Variants in STX3 observed in about 807,000 individuals in gnomAD.
STX3 encodes the protein syntaxin 3, also known as syntaxin-3.
In STX3, 19 loss-of-function variants were observed where a neutral mutation model predicts 40.2. That is an observed-to-expected ratio of 0.47 (90% CI 0.33 to 0.69). The LOEUF is 0.69. Ranked by LOEUF, STX3 falls within the 30% of genes least tolerant of loss-of-function variation. The pLI is 0.02. For missense variants in STX3, 364 were observed against 366.7 expected, an observed-to-expected ratio of 0.99 and a Z score of 0.06; for synonymous variants, 122 against 132.2, an observed-to-expected ratio of 0.92 and a Z score of 0.53.
rs1009953616 is a variant in STX3, at chr11:59,801,560, C to T, written c.*736C>T. ...AAGGCTGACGGTATGGAATATGTTT[C>T]CATGTCTGAGTCTTAGAAACTGGCT... On this transcript the variant is annotated 3_prime_UTR_variant, in exon 11 of 11. Coordinates refer to ENST00000337979, the MANE Select transcript of STX3 (RefSeq NM_004177.5). The T allele has an allele frequency of 1.0e-6, 1 of 985,362 alleles. No individual in the cohort carries two copies. 61.0% of individuals were successfully genotyped at this position (985,362 alleles called of 1,614,324 possible). A position where few individuals can be genotyped will look rare whatever the true frequency, so the allele number is the denominator to read the frequency against.
At chr11:59,782,471 T>G (rs1016011594) in intron 2 of STX3, among the ~76,000 whole-genome samples, 44 of 152,328 alleles carry the variant, frequency 2.9e-4, no homozygotes, top group African/African-American at 9.9e-4. Flanking sequence ...ATGTTAAACA[T>G]TTGGCATGTA....
chr11:59,780,458 C>T (rs1406078622), intron 2 of STX3, among the ~76,000 whole-genome samples: 1 of 152,130 alleles, frequency 6.6e-6, no homozygotes, highest in African/African-American at 2.4e-5. Flanking sequence ...GCCACCTAGG[C>T]TATGGTATTT....
At chr11:59,783,220 C>T (rs912846104) in intron 2 of STX3, among the ~76,000 whole-genome samples, 6 of 152,118 alleles carry the variant, frequency 3.9e-5, no homozygotes, top group Non-Finnish European at 8.8e-5. Context: ...TCCATTCTCC[C>T]AAAACAGTGG....
chr11:59,801,552 A>G lies in STX3; in HGVS notation c.*728A>G. The G allele has an allele frequency of 1.0e-6, 1 of 985,438 alleles. No homozygotes were observed. The highest frequency in any genetic ancestry group is 1.7e-5 in the African/African-American group (1 of 57,358). The allele number at this position is 985,438 out of a possible 1,614,324, so 61.0% of individuals were successfully genotyped here. On this transcript the variant is annotated 3_prime_UTR_variant, in exon 11 of 11. Coordinates refer to ENST00000337979, the MANE Select transcript of STX3 (RefSeq NM_004177.5). Reference sequence around the variant, plus strand: ...CTTTGCAAAAGGCTGACGGTATGGAATATGTTTCCATGTCTGAGTCTTAGA... The same window carrying G: ...CTTTGCAAAAGGCTGACGGTATGGAGTATGTTTCCATGTCTGAGTCTTAGA...
At position 59,801,307 on chromosome 11, in the gene STX3, A is replaced by G. The variant is rs1865877546; in HGVS notation, c.*483A>G. 5.0e-6 allele frequency: 5 copies of G among 996,570 alleles called. No homozygotes were observed. Among genetic ancestry groups the G allele is most frequent in the African/African-American group, 1.7e-5 (1 of 57,834 alleles). The allele number at this position is 996,570 out of a possible 1,614,324, so 61.7% of individuals were successfully genotyped here. A position where few individuals can be genotyped will look rare whatever the true frequency, so the allele number is the denominator to read the frequency against. On this transcript the variant is annotated 3_prime_UTR_variant, in exon 11 of 11. Coordinates refer to ENST00000337979, the MANE Select transcript of STX3 (RefSeq NM_004177.5). ...AAGAAGGCTTGGATCTGAGTCTTCT[A>G]CCTGGCAGGATGCCAATCCTGTTTG...
chr11:59,770,018 A>AGT (rs751070205), intron 1 of STX3, among the ~76,000 whole-genome samples: 8 of 135,364 alleles, frequency 5.9e-5, no homozygotes, highest in South Asian at 2.4e-4. Flanking sequence ...GTATGTGTGG[A>AGT]GTGTGTGTGT....
intron 1 of STX3, among the ~76,000 whole-genome samples, chr11:59,771,802 A>T (rs944876621): frequency 6.6e-6 from 1 of 152,128 alleles, no homozygotes; most frequent in African/African-American, 2.4e-5. Flanking sequence ...CCTTTAAATT[A>T]TAGGAGCTAA....
At chr11:59,781,830 G>C (rs1210547592) in intron 2 of STX3, 2 of 1,054,694 alleles carry the variant, frequency 1.9e-6, no homozygotes, top group Non-Finnish European at 2.8e-6. Flanking sequence ...AAGACTGCTT[G>C]GGATTCTGTC....
At position 59,790,571 on chromosome 11, in the gene STX3, G is replaced by T. The variant is rs549336687; in HGVS notation, c.342G>T (p.Arg114=). The T allele has an allele frequency of 1.9e-6, 3 of 1,613,952 alleles. No homozygotes were observed. The South Asian group carries it at 3.3e-5, about 18-fold the overall frequency. The change falls in exon 5 of 11, where the codon CGG becomes CGT. Residue 114 remains arginine, a synonymous_variant. Coordinates refer to ENST00000337979, the MANE Select transcript of STX3 (RefSeq NM_004177.5). The part of the protein sequence containing the change: ...EDEVRSSADL[R]IRKSQHSVLS... ...AGGTCAGGTCATCGGCAGACCTTCG[G>T]ATTCGGAAATCCCAGGTAAGACTTT...
chr11:59,796,074 G>A (rs921241624), intron 9 of STX3, among the ~76,000 whole-genome samples: 2 of 152,162 alleles, frequency 1.3e-5, no homozygotes, highest in African/African-American at 4.8e-5. Context: ...CACTCCAGGC[G>A]CCCAAGCTCC....
At chr11:59,786,113 T>C (rs1261610629) in intron 2 of STX3, among the ~76,000 whole-genome samples, 1 of 152,230 alleles carries the variant, frequency 6.6e-6, no homozygotes, top group Non-Finnish European at 1.5e-5. Flanking sequence ...TACTGGGTCC[T>C]GATCGTCTGA....
intron 1 of STX3, among the ~76,000 whole-genome samples, chr11:59,766,285 C>T (rs536640460): frequency 4.6e-5 from 7 of 152,242 alleles, no homozygotes; most frequent in African/African-American, 1.2e-4. Context: ...TTTAAACTTA[C>T]GTTGCAGATG....
Position 59,794,823 on chromosome 11 carries a change from C to A in STX3, c.676-549C>A, listed in dbSNP as rs77988293. On this transcript the variant is annotated intron_variant, in intron 8 of 10. Transcript: ENST00000337979. ...TAGCTTGGGTAAACCCAATGTCTGT[C>A]AGTTAAAGGGCCTGGAAATAACTTA... Among the ~76,000 whole-genome samples the A allele has an allele frequency of 6.7e-3, 1,028 of 152,308 alleles. 9 individuals carry two copies. The highest frequency in any genetic ancestry group is 0.022 in the African/African-American group (935 of 41,568).
intron 1 of STX3, among the ~76,000 whole-genome samples, chr11:59,769,605 A>C (rs769962649): frequency 2.0e-5 from 3 of 152,148 alleles, no homozygotes; most frequent in Non-Finnish European, 4.4e-5. Context: ...CTACATCTGC[A>C]CAAAGCTAAG....
upstream of STX3, chr11:59,754,257 A>T (rs1014611558): frequency 6.6e-6 from 1 of 152,278 alleles, no homozygotes; most frequent in Admixed American, 6.5e-5. Context: ...GCCGGCTCAA[A>T]GCCCGACCTC....
chr11:59,798,911 A>G (rs1343010752), intron 10 of STX3, among the ~76,000 whole-genome samples: 2 of 147,914 alleles, frequency 1.4e-5, no homozygotes, highest in Non-Finnish European at 3.0e-5. Flanking sequence ...TGTTGTTGAG[A>G]TTGTGTGTTG....
chr11:59,790,372 C>T (rs1865053002), intron 4 of STX3, 147 bp from the exon 5 acceptor site: 4 of 652,230 alleles, frequency 6.1e-6, no homozygotes, highest in South Asian at 3.5e-5. Flanking sequence ...TCCTGTGGCT[C>T]ATCTGGGAGC....
At chr11:59,782,677 G>A (rs1334591116) in intron 2 of STX3, among the ~76,000 whole-genome samples, 4 of 151,974 alleles carry the variant, frequency 2.6e-5, no homozygotes, top group East Asian at 3.9e-4. Flanking sequence ...CTGGATTCCC[G>A]TATTACTAAC....
At chr11:59,778,691 T>C (rs1019011945) in intron 2 of STX3, among the ~76,000 whole-genome samples, 3 of 152,202 alleles carry the variant, frequency 2.0e-5, no homozygotes, top group Admixed American at 6.5e-5. Context: ...AAACTTAAAA[T>C]GCACGTTAAC....
Sources: allele counts gnomAD v4.1 joint callset (sites outside exome capture counted in the v4.1 genomes callset), GRCh38; gene constraint gnomAD v4.1.1; transcripts MANE v1.5; gene names NCBI Gene and HGNC (gene_info 2026-07-23, HGNC 2026-07-21).